The following CHAF1A variants were observed in gnomAD, a reference collection of about 807,000 sequenced individuals.
The protein encoded by CHAF1A is CAF-1 subunit A.
Under a neutral mutation model 93.2 loss-of-function variants are expected in CHAF1A, and 5 were observed. The observed-to-expected ratio is 0.05, with a 90% CI of 0.03 to 0.11. CHAF1A has a LOEUF of 0.11. CHAF1A is among the 10% of genes least tolerant of loss of function. CHAF1A has a pLI of 1.00. For missense variants in CHAF1A, 1,102 were observed against 1,259.9 expected (o/e 0.87, Z 1.90); for synonymous variants, 504 against 510.3 (o/e 0.99, Z 0.17).
At position 4,409,188 on chromosome 19, in the gene CHAF1A, T is replaced by C; in HGVS notation, c.389T>C (p.Leu130Pro). Residue 130 changes from leucine (L) to proline (P), a missense_variant, in exon 3 of 15, where the codon CTT becomes CCT. Leu to Pro is a moderately conservative substitution (Grantham distance 98). Transcript: ENST00000301280. ...TEDSNEQPDS[L>P]VDHNKLNSEA... ...GACTCGAATGAGCAGCCAGACAGTC[T>C]TGTGGACCACAATAAACTAAATTCT... is the stretch of plus-strand genomic sequence containing the variant. 1 of 1,614,216 alleles carries C rather than the reference T, an allele frequency of 6.2e-7. No homozygotes were observed. The highest frequency in any genetic ancestry group is 8.5e-7 in the Non-Finnish European group (1 of 1,180,054).
intron 13 of CHAF1A, among the ~76,000 whole-genome samples, chr19:4,440,516 G>A (rs1974366781): frequency 6.6e-6 from 1 of 151,962 alleles, no homozygotes. Flanking sequence ...GGCTGAGGCA[G>A]GAGAATGGTG....
chr19:4,409,746 C>T lies in CHAF1A; in HGVS notation c.947C>T (p.Thr316Met), dbSNP rs758000504. 15 of 1,609,740 alleles carry T rather than the reference C, an allele frequency of 9.3e-6. No homozygotes were observed. The highest frequency in any genetic ancestry group is 2.7e-5 in the African/African-American group (2 of 74,852). The change falls in exon 3 of 15, where the codon ACG becomes ATG. Residue 316 changes from threonine to methionine, a missense_variant. Coordinates refer to ENST00000301280, the MANE Select transcript of CHAF1A (RefSeq NM_005483.3). Reference sequence around the variant, plus strand: ...AGTACCAGTCCCTTCCCCACCTCCACGCCCCTCCGCAGAGTGAGTATCTCC... The same window carrying T: ...AGTACCAGTCCCTTCCCCACCTCCATGCCCCTCCGCAGAGTGAGTATCTCC... ...HSSTSPFPTS[T>M]PLRRITKKFV...
At position 4,402,653 on chromosome 19, in the gene CHAF1A, G is replaced by T. The variant is rs1027528969; in HGVS notation, c.-110G>T. On this transcript the variant is annotated 5_prime_UTR_variant, in exon 1 of 15. Coordinates refer to ENST00000301280, the MANE Select transcript of CHAF1A (RefSeq NM_005483.3). ...CGCGGTTCCCGCCAAATACGAGCGCGGCGGCCGCGGCGGCAGCAGCGGCGC... is the reference window on the plus strand; with the variant it reads ...CGCGGTTCCCGCCAAATACGAGCGCTGCGGCCGCGGCGGCAGCAGCGGCGC... 1.0e-5 allele frequency: 7 copies of T among 675,010 alleles called. No homozygotes were observed. The highest frequency in any genetic ancestry group is 1.2e-5 in the Non-Finnish European group (6 of 500,616). 41.8% of individuals were successfully genotyped at this position (675,010 alleles called of 1,614,324 possible). A position where few individuals can be genotyped will look rare whatever the true frequency, so the allele number is the denominator to read the frequency against.
intron 5 of CHAF1A, 93 bp from the exon 6 acceptor site, chr19:4,423,242 T>A: frequency 6.4e-7 from 1 of 1,554,418 alleles, no homozygotes; most frequent in Non-Finnish European, 8.7e-7. Flanking sequence ...TAATGTAAAA[T>A]GAAATACTTG....
At chr19:4,425,235 C>A (rs1015094534) in intron 7 of CHAF1A, among the ~76,000 whole-genome samples, 1 of 145,512 alleles carries the variant, frequency 6.9e-6, no homozygotes, top group South Asian at 2.2e-4. Context: ...GATATGGTTT[C>A]TCTCTTTTTT....
In CHAF1A at chr19:4,433,660, G is replaced by A; in HGVS notation, c.2673+121G>A. On this transcript the variant is annotated intron_variant, in intron 13 of 14. Transcript: ENST00000301280. The surrounding 1 kb of genome is among the most constrained non-coding windows in gnomAD (Gnocchi z 5.6). ...CTGTCACCCAGGCTGGAGTGCAGTG[G>A]CGCAATCTCAGCTCACTGCAACCTC... is the stretch of plus-strand genomic sequence containing the variant. 1.3e-6 allele frequency: 1 copy of A among 792,480 alleles called. No individual in the cohort carries two copies. The highest frequency in any genetic ancestry group is 2.7e-5 in the East Asian group (1 of 36,804). The allele number at this position is 792,480 out of a possible 1,614,324, so 49.1% of individuals were successfully genotyped here. A position where few individuals can be genotyped will look rare whatever the true frequency, so the allele number is the denominator to read the frequency against.
chr19:4,442,319 C>T lies in CHAF1A; in HGVS notation c.2748C>T (p.Ile916=), dbSNP rs752573393. The T allele has an allele frequency of 5.0e-6, 8 of 1,606,136 alleles. No individual in the cohort carries two copies. The highest frequency in any genetic ancestry group is 2.2e-5 in the East Asian group (1 of 44,746). ...AAGAGGAGGAGGGCGACTGTATGAT[C>T]GTGGATGTCCCGGATGCTGCGGGTG... ...EEEEEEGDCM[I]VDVPDAAEVQ... Residue 916 remains isoleucine, a synonymous_variant, in exon 14 of 15, where the codon ATC becomes ATT. Transcript: ENST00000301280.
intron 3 of CHAF1A, among the ~76,000 whole-genome samples, chr19:4,415,517 T>C (rs1015051592): frequency 1.3e-5 from 2 of 152,208 alleles, no homozygotes; most frequent in Non-Finnish European, 1.5e-5. Flanking sequence ...CCCGGAGAGC[T>C]GCGGCTCCCA....
chr19:4,402,641 A>C lies in CHAF1A; in HGVS notation c.-122A>C. On this transcript the variant is annotated 5_prime_UTR_variant, in exon 1 of 15. Coordinates refer to ENST00000301280, the MANE Select transcript of CHAF1A (RefSeq NM_005483.3). The stretch of plus-strand genomic sequence containing the variant: ...TGCGGGGGTCGCCGCGGTTCCCGCC[A>C]AATACGAGCGCGGCGGCCGCGGCGG... 1.8e-6 allele frequency: 1 copy of C among 557,078 alleles called. No individual in the cohort carries two copies. The highest frequency in any genetic ancestry group is 2.5e-6 in the Non-Finnish European group (1 of 394,356). 34.5% of individuals were successfully genotyped at this position (557,078 alleles called of 1,614,324 possible). A position where few individuals can be genotyped will look rare whatever the true frequency, so the allele number is the denominator to read the frequency against.
chr19:4,438,205 G>A (rs537017367), intron 13 of CHAF1A, among the ~76,000 whole-genome samples: 77 of 152,152 alleles, frequency 5.1e-4, no homozygotes, highest in African/African-American at 1.6e-3. Context: ...CCCTCCCACC[G>A]TCACATAGGC....
chr19:4,431,295 A>G (rs967095669), intron 11 of CHAF1A, among the ~76,000 whole-genome samples: 1 of 151,220 alleles, frequency 6.6e-6, no homozygotes, highest in Non-Finnish European at 1.5e-5. Context: ...CACCTGGCTA[A>G]TTTTTGTATT....
rs1041151346 is a variant in CHAF1A at position 4,412,508 on chromosome 19, C to T, written c.960+2749C>T. Among the ~76,000 whole-genome samples, 5 of 152,028 alleles carry T rather than the reference C, an allele frequency of 3.3e-5. No homozygotes were observed. In the South Asian group the frequency reaches 1.0e-3, roughly 31 times the overall value. ...GCGGTGGCCTGAGATCGTGCCATTG[C>T]ACTCCAGCCTGGGTAACAAGAACAA... On this transcript the variant is annotated intron_variant, in intron 3 of 14. Transcript: ENST00000301280.
intron 8 of CHAF1A, chr19:4,429,122 C>T (rs557025297): frequency 1.7e-6 from 1 of 592,280 alleles, no homozygotes; most frequent in Non-Finnish European, 3.0e-6. Flanking sequence ...ATCTTATTTC[C>T]CTGCTGGTCT....
intron 1 of CHAF1A, 124 bp from the exon 2 acceptor site, chr19:4,405,788 G>A (rs916178048): frequency 1.3e-6 from 1 of 763,362 alleles, no homozygotes; most frequent in Non-Finnish European, 2.3e-6. Flanking sequence ...TGTGTCAAAT[G>A]GCCCCCGAGG....
chr19:4,441,852 C>G (rs185794188), intron 13 of CHAF1A, among the ~76,000 whole-genome samples: 1 of 151,514 alleles, frequency 6.6e-6, no homozygotes, highest in Non-Finnish European at 1.5e-5. Flanking sequence ...GAGTCGAGAT[C>G]GCGCCACTGC....
downstream of CHAF1A, chr19:4,447,273 A>G (rs867219961): frequency 2.3e-5 from 13 of 571,598 alleles, no homozygotes; most frequent in Middle Eastern, 1.9e-3. Context: ...AAACCTCCCC[A>G]GAGTCGACAT....
Position 4,433,060 on chromosome 19 carries a change from C to A in CHAF1A, c.2204-10C>A. On this transcript the variant is annotated splice_polypyrimidine_tract_variant and intron_variant, in intron 12 of 14. Coordinates refer to ENST00000301280, the MANE Select transcript of CHAF1A (RefSeq NM_005483.3). The surrounding 1 kb of genome is among the most constrained non-coding windows in gnomAD (Gnocchi z 5.6). ...CAAGCCTCATGCCCACCCATGTTCC[C>A]TCCTGCCAGTCCTGGCCCAGCTGCT... 6.5e-7 allele frequency: 1 copy of A among 1,540,622 alleles called. No individual in the cohort carries two copies. Among genetic ancestry groups the A allele is most frequent in the East Asian group, 2.4e-5 (1 of 42,050 alleles).
intron 6 of CHAF1A, 67 bp from the exon 7 acceptor site, chr19:4,423,739 C>T: frequency 2.0e-6 from 3 of 1,477,950 alleles, no homozygotes; most frequent in East Asian, 2.3e-5. Flanking sequence ...GGGGCCTTTG[C>T]ATGTTTTGCA....
chr19:4,426,557 C>T (rs1333894154), intron 7 of CHAF1A, among the ~76,000 whole-genome samples: 2 of 152,120 alleles, frequency 1.3e-5, no homozygotes, highest in Non-Finnish European at 2.9e-5. Context: ...TCACCACAAC[C>T]TCTGCCTCCT....
Sources: gnomAD v4.1 joint callset for allele counts (sites outside exome capture counted in the v4.1 genomes callset) on GRCh38, gnomAD v4.1.1 for gene constraint, Gnocchi (gnomAD v3.1) non-coding constraint, MANE v1.5 for transcripts, NCBI Gene and HGNC (gene_info 2026-07-23, HGNC 2026-07-21) for gene names.